Variants in FAM53B observed in about 807,000 individuals in gnomAD.
FAM53B encodes the protein protein FAM53B.
FAM53B carries 12 observed loss-of-function variants against 32.7 expected under a neutral mutation model. The ratio of observed to expected loss-of-function variants is 0.37; its 90% CI spans 0.24 to 0.59. The LOEUF is 0.59. Ranked by LOEUF, FAM53B falls within the 20% of genes least tolerant of loss-of-function variation. The pLI, the probability that FAM53B is intolerant of heterozygous loss-of-function variation, is 0.72. For synonymous variants in FAM53B, 234 were observed against 228.7 expected, an observed-to-expected ratio of 1.02 and a Z score of -0.21; for missense variants, 477 against 577.7, an observed-to-expected ratio of 0.83 and a Z score of 1.79.
At chr10:124,655,262 C>T (rs1321821231) in intron 4 of FAM53B, among the ~76,000 whole-genome samples, 2 of 152,140 alleles carry the variant, frequency 1.3e-5, no homozygotes, top group African/African-American at 4.8e-5. Context: ...CCTGGGACTA[C>T]CTCCTGGACA....
chr10:124,632,566 A>G (rs1949398166), intron 4 of FAM53B, among the ~76,000 whole-genome samples: 1 of 152,198 alleles, frequency 6.6e-6, no homozygotes, highest in Non-Finnish European at 1.5e-5. Context: ...GCTGGTGGGC[A>G]CTCGTTCGCA....
intron 4 of FAM53B, among the ~76,000 whole-genome samples, chr10:124,625,418 C>A (rs1171543960): frequency 3.9e-5 from 6 of 152,182 alleles, no homozygotes; most frequent in Non-Finnish European, 7.3e-5. Flanking sequence ...AGCCACAGGT[C>A]CACCCTCTGG....
In FAM53B at chr10:124,681,498, C is replaced by T. The variant is rs7093768; in HGVS notation, c.906+109G>A. The T allele has an allele frequency of 0.11, 106,557 of 935,784 alleles. 6,672 individuals are homozygous for T. Among genetic ancestry groups the T allele is most frequent in the African/African-American group, 0.19 (11,419 of 60,070 alleles). The allele number at this position is 935,784 out of a possible 1,614,324, so 58.0% of individuals were successfully genotyped here. A position where few individuals can be genotyped will look rare whatever the true frequency, so the allele number is the denominator to read the frequency against. Reference sequence around the variant, plus strand: ...ATTTAAAAAAACAAGGAAATTAACCCACTCCTGGGTATTTCTGAAACTGGC... The same window carrying T: ...ATTTAAAAAAACAAGGAAATTAACCTACTCCTGGGTATTTCTGAAACTGGC... On this transcript the variant is annotated intron_variant, in intron 4 of 4. Coordinates refer to ENST00000337318, the MANE Select transcript of FAM53B (RefSeq NM_014661.4).
intron 4 of FAM53B, among the ~76,000 whole-genome samples, chr10:124,643,911 T>A (rs1949493801): frequency 6.6e-6 from 1 of 152,184 alleles, no homozygotes; most frequent in South Asian, 2.1e-4. Flanking sequence ...GAGATGCCCA[T>A]CTGTACATGG....
In FAM53B at chr10:124,681,888, C is replaced by T. The variant is rs1321115039; in HGVS notation, c.625G>A (p.Asp209Asn). 6.2e-7 allele frequency: 1 copy of T among 1,613,716 alleles called. No individual in the cohort carries two copies. The highest frequency in any genetic ancestry group is 8.5e-7 in the Non-Finnish European group (1 of 1,179,906). Residue 209 changes from aspartate (D) to asparagine (N), a missense_variant, in exon 4 of 5, where the codon GAC (aspartate) becomes AAC (asparagine). Asp to Asn is a conservative substitution (Grantham distance 23). Coordinates refer to ENST00000337318, the MANE Select transcript of FAM53B (RefSeq NM_014661.4). ...GGGTGCAGGTCAGGGCTCCAGGTGT[C>T]ACCTGCCTGTCCACACGGGGCTGAG... ...PGSAPCGQAG[D>N]TWSPDLHPVG...
chr10:124,640,387 C>G (rs973725658), intron 4 of FAM53B, among the ~76,000 whole-genome samples: 1 of 152,204 alleles, frequency 6.6e-6, no homozygotes, highest in Non-Finnish European at 1.5e-5. Context: ...GCTGGGATAA[C>G]AAGGGGAGTA....
chr10:124,657,128 GTGTGTATATACATATATA>G (rs1564869742), intron 4 of FAM53B, among the ~76,000 whole-genome samples: 1 of 139,040 alleles, frequency 7.2e-6, no homozygotes, highest in Non-Finnish European at 1.6e-5. Context: ...GTATATATAT[GTGTGTATATACATATATA>G]TGTGTATATA....
chr10:124,630,492 G>C (rs1589730423), intron 4 of FAM53B, among the ~76,000 whole-genome samples: 1 of 152,192 alleles, frequency 6.6e-6, no homozygotes, highest in Non-Finnish European at 1.5e-5. Flanking sequence ...ACCCCAAAGA[G>C]GCAGCCCTTC....
intron 3 of FAM53B, among the ~76,000 whole-genome samples, chr10:124,690,068 C>A (rs976206285): frequency 6.6e-6 from 1 of 152,228 alleles, no homozygotes; most frequent in African/African-American, 2.4e-5. Flanking sequence ...GCAAGTGAAA[C>A]GGGCAGCTGC....
chr10:124,734,403 AGT>A lies in FAM53B; in HGVS notation c.-175+9608_-175+9609del, dbSNP rs146179303. Among the ~76,000 whole-genome samples the A allele has an allele frequency of 3.5e-3, 540 of 152,338 alleles. 6 individuals are homozygous for A. Among genetic ancestry groups the A allele is most frequent in the African/African-American group, 0.013 (527 of 41,576 alleles). ...TATGTTTTGTGCTCATCACAGGAAC[AGT>A]GACACACCCAAGGAGGACACAGTGG... On this transcript the variant is annotated intron_variant, in intron 1 of 4. Coordinates refer to ENST00000337318, the MANE Select transcript of FAM53B (RefSeq NM_014661.4).
At chr10:124,699,964 G>C (rs1005376612) in intron 2 of FAM53B, among the ~76,000 whole-genome samples, 5 of 152,248 alleles carry the variant, frequency 3.3e-5, no homozygotes, top group Non-Finnish European at 7.3e-5. Flanking sequence ...CTCTTTCGGG[G>C]TGAGTTAGCT....
intron 4 of FAM53B, among the ~76,000 whole-genome samples, chr10:124,678,212 A>AC (rs1007142386): frequency 6.6e-6 from 1 of 151,752 alleles, no homozygotes; most frequent in African/African-American, 2.4e-5. Flanking sequence ...AACAGCCCAC[A>AC]CCCTCCCTCC....
In FAM53B at chr10:124,658,134, G is replaced by A. The variant is rs556061770; in HGVS notation, c.906+23473C>T. On this transcript the variant is annotated intron_variant, in intron 4 of 4. Coordinates refer to ENST00000337318, the MANE Select transcript of FAM53B (RefSeq NM_014661.4). ...AGTTCCCAGGCTCACCCAGCAGACA[G>A]TCTGGGGCAGAGACAGGGGCAGCGA... 2.0e-5 allele frequency among the ~76,000 whole-genome samples: 3 copies of A among 152,370 alleles called. No individual in the cohort carries two copies. In the South Asian group the frequency reaches 6.2e-4, roughly 32 times the overall value.
At chr10:124,646,453 G>A (rs567304111) in intron 4 of FAM53B, among the ~76,000 whole-genome samples, 3 of 152,334 alleles carry the variant, frequency 2.0e-5, no homozygotes, top group South Asian at 2.1e-4. Flanking sequence ...CAGAACAAAC[G>A]GAACCGTTTT....
At chr10:124,646,136 G>A (rs1949511696) in intron 4 of FAM53B, among the ~76,000 whole-genome samples, 2 of 152,186 alleles carry the variant, frequency 1.3e-5, no homozygotes. Context: ...GCGGGAGGGG[G>A]AACAATGAGC....
chr10:124,634,998 A>G (rs115280546), intron 4 of FAM53B, among the ~76,000 whole-genome samples: 52 of 152,368 alleles, frequency 3.4e-4, no homozygotes, highest in African/African-American at 1.3e-3. Context: ...CAAATTAGTA[A>G]TAAATATTTG....
chr10:124,652,765 C>T (rs1011744188), intron 4 of FAM53B, among the ~76,000 whole-genome samples: 5 of 152,154 alleles, frequency 3.3e-5, no homozygotes, highest in African/African-American at 1.2e-4. Flanking sequence ...GGTCCACTTC[C>T]TTCAATATGG....
At chr10:124,716,057 G>C (rs1208646168) in intron 1 of FAM53B, among the ~76,000 whole-genome samples, 2 of 152,204 alleles carry the variant, frequency 1.3e-5, no homozygotes, top group Non-Finnish European at 2.9e-5. Context: ...CATTCAGCAG[G>C]GCAAGTGAGA....
At chr10:124,625,236 C>T (rs1177833433) in intron 4 of FAM53B, among the ~76,000 whole-genome samples, 1 of 152,188 alleles carries the variant, frequency 6.6e-6, no homozygotes. Context: ...CATGGGCACG[C>T]TCATTGTTCC....
Sources: gnomAD v4.1 joint callset for allele counts (sites outside exome capture counted in the v4.1 genomes callset) on GRCh38, gnomAD v4.1.1 for gene constraint, MANE v1.5 for transcripts, NCBI Gene and HGNC (gene_info 2026-07-23, HGNC 2026-07-21) for gene names.